PPM1E: variants seen among roughly 807,000 people sequenced by gnomAD.
PPM1E encodes protein phosphatase, Mg2+/Mn2+ dependent 1E.
Under a neutral mutation model 65.9 loss-of-function variants are expected in PPM1E, and 20 were observed. The observed-to-expected ratio is 0.30, with a 90% CI of 0.21 to 0.44. The LOEUF is 0.44. Among genes scored for constraint, PPM1E ranks in the 20% least tolerant of loss-of-function variants. The probability of loss-of-function intolerance (pLI) is 1.00; values close to 1 mark genes in which losing one functional copy is unlikely to be tolerated. For missense variants in PPM1E, 713 were observed against 953.1 expected (o/e 0.75, Z 3.32); for synonymous variants, 352 against 374.9 (o/e 0.94, Z 0.70).
intron 1 of PPM1E, among the ~76,000 whole-genome samples, chr17:58,921,227 A>G (rs2051746073): frequency 6.6e-6 from 1 of 152,226 alleles, no homozygotes; most frequent in Non-Finnish European, 1.5e-5. Context: ...TTGATTGTAA[A>G]GGGCAGCAGA....
At chr17:58,897,271 G>A (rs754172773) in intron 1 of PPM1E, among the ~76,000 whole-genome samples, 32 of 151,992 alleles carry the variant, frequency 2.1e-4, no homozygotes, top group Admixed American at 3.3e-4. Context: ...AAAATTAGCC[G>A]GGCATGGTGG....
At chr17:58,864,046 C>G (rs975333521) in intron 1 of PPM1E, among the ~76,000 whole-genome samples, 28 of 150,910 alleles carry the variant, frequency 1.9e-4, no homozygotes, top group African/African-American at 6.6e-4. Context: ...AGGGACCCCG[C>G]CCTTCTATCT....
chr17:58,780,009 T>G (rs561188516), intron 1 of PPM1E, among the ~76,000 whole-genome samples: 2 of 152,352 alleles, frequency 1.3e-5, no homozygotes, highest in East Asian at 3.9e-4. Context: ...ATTGTGATGC[T>G]TCCAATTTTT....
intron 2 of PPM1E, among the ~76,000 whole-genome samples, chr17:58,956,480 T>C (rs892831389): frequency 6.6e-6 from 1 of 151,950 alleles, no homozygotes; most frequent in Admixed American, 6.6e-5. Context: ...ACCTTAACTT[T>C]GTATCAAGTT....
At chr17:58,912,230 G>T (rs1444103139) in intron 1 of PPM1E, among the ~76,000 whole-genome samples, 1 of 152,150 alleles carries the variant, frequency 6.6e-6, no homozygotes, top group Non-Finnish European at 1.5e-5. Context: ...AGGGCTGCTT[G>T]CAGGCTAGAA....
chr17:58,823,812 G>A (rs1048796897), intron 1 of PPM1E, among the ~76,000 whole-genome samples: 1 of 151,980 alleles, frequency 6.6e-6, no homozygotes, highest in Non-Finnish European at 1.5e-5. Context: ...CTCACTGCAA[G>A]CTCTGCCTCC....
At chr17:58,976,101 T>A (rs1038590285) in intron 6 of PPM1E, among the ~76,000 whole-genome samples, 3 of 152,148 alleles carry the variant, frequency 2.0e-5, no homozygotes, top group African/African-American at 7.2e-5. Flanking sequence ...ATTGTTTCTA[T>A]TTTTAGGACG....
intron 1 of PPM1E, among the ~76,000 whole-genome samples, chr17:58,816,794 A>ATTT (rs71367634): frequency 6.0e-4 from 10 of 16,640 alleles, no homozygotes; most frequent in Non-Finnish European, 6.8e-4. Flanking sequence ...ATATATATAT[A>ATTT]TTTTTTTTTT....
rs549733982 is a variant in PPM1E at position 58,782,994 on chromosome 17, A to G, written c.464+26533A>G. ...CTTAGTAAAGTAGAATTAAAGTCCA[A>G]TATAGGTGAAATTAAGAAAGTATCT... is the stretch of plus-strand genomic sequence containing the variant. On this transcript the variant is annotated intron_variant, in intron 1 of 6. Transcript: ENST00000308249. Among the ~76,000 whole-genome samples the G allele has an allele frequency of 2.6e-5, 4 of 152,312 alleles. No homozygotes were observed. The South Asian group carries it at 8.3e-4, about 32-fold the overall frequency.
At chr17:58,901,286 A>G (rs1018110764) in intron 1 of PPM1E, among the ~76,000 whole-genome samples, 5 of 152,222 alleles carry the variant, frequency 3.3e-5, no homozygotes, top group African/African-American at 9.6e-5. Context: ...ACTTTGATCA[A>G]TAGTCAGGAA....
rs1045892584 is a variant in PPM1E, at chr17:58,756,123, A to G, written c.126A>G (p.Glu42=). 7.5e-6 allele frequency: 12 copies of G among 1,607,370 alleles called. No individual in the cohort carries two copies. Among genetic ancestry groups the G allele is most frequent in the Non-Finnish European group, 1.0e-5 (12 of 1,176,988 alleles). The change falls in exon 1 of 7, where the codon GAA becomes GAG. Residue 42 remains glutamate, a synonymous_variant. Transcript: ENST00000308249. ...AACCCGAACCCGAACCCGAACCCGA[A>G]CCCGAGTCCGAGCCCGAGCCCGAAC... ...EPEPEPEPEP[E]PESEPEPEPE...
intron 1 of PPM1E, among the ~76,000 whole-genome samples, chr17:58,826,498 G>A (rs187924235): frequency 6.6e-6 from 1 of 152,058 alleles, no homozygotes; most frequent in African/African-American, 2.4e-5. Context: ...GAAGCAAGAG[G>A]TACATTAACT....
chr17:58,857,703 T>C (rs958135969), intron 1 of PPM1E, among the ~76,000 whole-genome samples: 3 of 152,112 alleles, frequency 2.0e-5, no homozygotes, highest in African/African-American at 7.2e-5. Flanking sequence ...TTTGAAGCTC[T>C]CTGGTAAAAC....
intron 1 of PPM1E, among the ~76,000 whole-genome samples, chr17:58,876,748 G>T (rs2051130899): frequency 6.6e-6 from 1 of 152,176 alleles, no homozygotes; most frequent in Non-Finnish European, 1.5e-5. Context: ...GGAAGTGGCT[G>T]TAAAAAATAT....
chr17:58,900,327 T>G (rs1359159977), intron 1 of PPM1E, among the ~76,000 whole-genome samples: 1 of 152,202 alleles, frequency 6.6e-6, no homozygotes, highest in Non-Finnish European at 1.5e-5. Flanking sequence ...TGTTGTCTTA[T>G]TTTAAGAAAT....
intron 1 of PPM1E, among the ~76,000 whole-genome samples, chr17:58,942,713 T>C (rs1371208747): frequency 6.6e-6 from 1 of 152,082 alleles, no homozygotes; most frequent in Admixed American, 6.6e-5. Flanking sequence ...TTGGGAGATA[T>C]ACCTAATGCT....
At chr17:58,916,938 G>A (rs1215850190) in intron 1 of PPM1E, among the ~76,000 whole-genome samples, 1 of 151,954 alleles carries the variant, frequency 6.6e-6, no homozygotes, top group Admixed American at 6.6e-5. Context: ...GGTGGGGCAC[G>A]GTGGCTCACA....
At chr17:58,861,159 G>C (rs768917487) in intron 1 of PPM1E, among the ~76,000 whole-genome samples, 9 of 152,172 alleles carry the variant, frequency 5.9e-5, no homozygotes, top group Non-Finnish European at 1.0e-4. Flanking sequence ...TGGTGGGTCA[G>C]ATCCACTGGA....
intron 1 of PPM1E, among the ~76,000 whole-genome samples, chr17:58,923,847 G>A (rs188475544): frequency 2.1e-3 from 322 of 150,668 alleles, no homozygotes; most frequent in Non-Finnish European, 3.4e-3. Flanking sequence ...CCAGGAATTC[G>A]AGGTTGCAGT....
Sources: allele counts gnomAD v4.1 joint callset (sites outside exome capture counted in the v4.1 genomes callset), GRCh38; gene constraint gnomAD v4.1.1; transcripts MANE v1.5; gene names NCBI Gene and HGNC (gene_info 2026-07-23, HGNC 2026-07-21).